The following GRXCR1 variants were observed in gnomAD, a reference collection of about 807,000 sequenced individuals.
GRXCR1 encodes glutaredoxin domain-containing cysteine-rich protein 1.
Under a neutral mutation model 27.3 loss-of-function variants are expected in GRXCR1, and 27 were observed. The ratio of observed to expected loss-of-function variants is 0.99; its 90% CI spans 0.73 to 1.37. The LOEUF is 1.37. Ranked by LOEUF, GRXCR1 falls within the 40% of genes most tolerant of loss-of-function variation. GRXCR1 has a pLI of 0.00. For synonymous variants in GRXCR1, 122 were observed against 131.1 expected (o/e 0.93, Z 0.47); for missense variants, 379 against 354.4 (o/e 1.07, Z -0.56).
chr4:43,021,739 C>T (rs1015201358), intron 3 of GRXCR1, among the ~76,000 whole-genome samples: 2 of 152,130 alleles, frequency 1.3e-5, no homozygotes, highest in Admixed American at 1.3e-4. Context: ...GAGGAGAATG[C>T]TTGGGCTTTA....
chr4:42,907,452 C>T (rs1746621596), intron 1 of GRXCR1, among the ~76,000 whole-genome samples: 1 of 152,154 alleles, frequency 6.6e-6, no homozygotes, highest in South Asian at 2.1e-4. Context: ...ATTTTAGACA[C>T]CTCTCCTCTT....
intron 1 of GRXCR1, among the ~76,000 whole-genome samples, chr4:42,941,514 C>T (rs1285394383): frequency 1.3e-5 from 2 of 152,010 alleles, no homozygotes; most frequent in Admixed American, 6.6e-5. Flanking sequence ...CCGACATCTG[C>T]TTCCCACATT....
intron 1 of GRXCR1, among the ~76,000 whole-genome samples, chr4:42,944,535 T>A (rs1242374956): frequency 6.6e-6 from 1 of 152,098 alleles, no homozygotes; most frequent in Non-Finnish European, 1.5e-5. Flanking sequence ...TTTTCTTTGA[T>A]CCTCATAAGG....
At chr4:42,978,162 T>C (rs541021606) in intron 2 of GRXCR1, among the ~76,000 whole-genome samples, 20 of 152,200 alleles carry the variant, frequency 1.3e-4, no homozygotes, top group African/African-American at 4.8e-4. Flanking sequence ...GGTCTATGTA[T>C]CAATTTACTT....
At chr4:43,017,292 AT>A (rs937619296) in intron 2 of GRXCR1, among the ~76,000 whole-genome samples, 2 of 152,062 alleles carry the variant, frequency 1.3e-5, no homozygotes, top group Non-Finnish European at 2.9e-5. Flanking sequence ...TCTCTGTACC[AT>A]TTTTCAATAA....
chr4:42,905,846 C>T (rs1421209868), intron 1 of GRXCR1, among the ~76,000 whole-genome samples: 1 of 152,040 alleles, frequency 6.6e-6, no homozygotes, highest in Non-Finnish European at 1.5e-5. Context: ...GCATTGCCTC[C>T]TAGGTAGAAG....
intron 2 of GRXCR1, among the ~76,000 whole-genome samples, chr4:43,017,741 CTT>C (rs1369046325): frequency 1.3e-5 from 2 of 152,062 alleles, no homozygotes; most frequent in African/African-American, 2.4e-5. Context: ...TAAAAACAAA[CTT>C]ATGTCTGACA....
chr4:42,932,074 C>A (rs1469599690), intron 1 of GRXCR1, among the ~76,000 whole-genome samples: 1 of 151,956 alleles, frequency 6.6e-6, no homozygotes, highest in Non-Finnish European at 1.5e-5. Flanking sequence ...CCCACTGGGT[C>A]CTTCCCATGA....
chr4:42,934,240 T>TTATATA lies in GRXCR1; in HGVS notation c.385-28640_385-28635dup, dbSNP rs3072842. On this transcript the variant is annotated intron_variant, in intron 1 of 3. Coordinates refer to ENST00000399770, the MANE Select transcript of GRXCR1 (RefSeq NM_001080476.3). Reference sequence around the variant, plus strand: ...ACTGTTATATGTGTATGATGTGATATTATATATATATATATATGTATATAT... The same window carrying TTATATA: ...ACTGTTATATGTGTATGATGTGATATTATATATATATATATATATATATGTATATAT... Among the ~76,000 whole-genome samples, 344 of 146,416 alleles carry TTATATA rather than the reference T, an allele frequency of 2.3e-3. 1 individual carries two copies. Among genetic ancestry groups the TTATATA allele is most frequent in the Middle Eastern group, 0.011 (3 of 280 alleles).
chr4:42,966,637 G>A (rs1045070390), intron 2 of GRXCR1, among the ~76,000 whole-genome samples: 1 of 152,084 alleles, frequency 6.6e-6, no homozygotes, highest in African/African-American at 2.4e-5. Context: ...TCAAGAAGGA[G>A]TTGGCTCCAG....
At chr4:42,946,496 T>A (rs1410456390) in intron 1 of GRXCR1, among the ~76,000 whole-genome samples, 1 of 152,198 alleles carries the variant, frequency 6.6e-6, no homozygotes, top group Admixed American at 6.5e-5. Flanking sequence ...CTGTCTGTCT[T>A]AGCTTATTCA....
At chr4:43,001,751 G>T (rs1712369379) in intron 2 of GRXCR1, among the ~76,000 whole-genome samples, 1 of 152,118 alleles carries the variant, frequency 6.6e-6, no homozygotes, top group African/African-American at 2.4e-5. Flanking sequence ...TGGGTCCAGG[G>T]GACCGGTGCT....
chr4:42,993,750 AGT>A (rs1712054157), intron 2 of GRXCR1, among the ~76,000 whole-genome samples: 1 of 152,148 alleles, frequency 6.6e-6, no homozygotes, highest in Non-Finnish European at 1.5e-5. Flanking sequence ...ACCACAGAAA[AGT>A]CAAAAAATTG....
At chr4:43,023,360 A>AGCT (rs1161130149) in intron 3 of GRXCR1, among the ~76,000 whole-genome samples, 9 of 152,344 alleles carry the variant, frequency 5.9e-5, no homozygotes, top group Admixed American at 1.3e-4. Context: ...GAGGCTTAGC[A>AGCT]GCTGTGGTTG....
chr4:42,964,240 AT>A (rs1422008490), intron 2 of GRXCR1, among the ~76,000 whole-genome samples: 1 of 152,002 alleles, frequency 6.6e-6, no homozygotes, highest in African/African-American at 2.4e-5. Context: ...TGGTAAAAAA[AT>A]AAATAATAAT....
At chr4:42,935,508 T>C (rs1196463764) in intron 1 of GRXCR1, among the ~76,000 whole-genome samples, 1 of 151,690 alleles carries the variant, frequency 6.6e-6, no homozygotes, top group Non-Finnish European at 1.5e-5. Context: ...GAAAGATGGG[T>C]AGCATTTGGA....
chr4:42,981,365 A>G (rs1427518759), intron 2 of GRXCR1, among the ~76,000 whole-genome samples: 1 of 151,958 alleles, frequency 6.6e-6, no homozygotes, highest in African/African-American at 2.4e-5. Context: ...TGAATTTTTG[A>G]TGTTTCAGTT....
chr4:42,990,814 T>C (rs975321785), intron 2 of GRXCR1, among the ~76,000 whole-genome samples: 2 of 152,132 alleles, frequency 1.3e-5, no homozygotes, highest in African/African-American at 4.8e-5. Context: ...GGAAAGAATA[T>C]GTAGTCTCCT....
intron 2 of GRXCR1, among the ~76,000 whole-genome samples, chr4:42,996,529 A>C (rs1300399766): frequency 6.6e-6 from 1 of 152,176 alleles, no homozygotes; most frequent in Non-Finnish European, 1.5e-5. Flanking sequence ...ACAACAAAAA[A>C]ATCTTGACCA....
Sources: gnomAD v4.1 joint callset for allele counts (sites outside exome capture counted in the v4.1 genomes callset) on GRCh38, gnomAD v4.1.1 for gene constraint, MANE v1.5 for transcripts, NCBI Gene and HGNC (gene_info 2026-07-23, HGNC 2026-07-21) for gene names.